PDE4D: variants seen among roughly 807,000 people sequenced by gnomAD.
PDE4D encodes the protein 3',5'-cyclic-AMP phosphodiesterase 4D.
PDE4D carries 24 observed loss-of-function variants against 87.4 expected under a neutral mutation model. That is an observed-to-expected ratio of 0.27 (90% CI 0.20 to 0.39). The LOEUF is 0.39. PDE4D is among the 10% of genes least tolerant of loss of function. The pLI is 1.00. For missense variants in PDE4D, 714 were observed against 1,041.0 expected (o/e 0.69, Z 4.32); for synonymous variants, 384 against 383.2 (o/e 1.00, Z -0.02).
In PDE4D at chr5:58,972,935, C is replaced by G. The variant is rs751797196; in HGVS notation, c.*1729G>C. The stretch of plus-strand genomic sequence containing the variant: ...ACTAACCCTCTGGTGCCAGTGGCAT[C>G]ATCTTCTTTCCCTCCATGTGTTTAA... On this transcript the variant is annotated 3_prime_UTR_variant, in exon 15 of 15. Coordinates refer to ENST00000340635, the MANE Select transcript of PDE4D (RefSeq NM_001104631.2). 6 of 152,154 alleles carry G rather than the reference C, an allele frequency of 3.9e-5. No individual in the cohort carries two copies. Among genetic ancestry groups the G allele is most frequent in the Admixed American group, 6.5e-5 (1 of 15,274 alleles). The allele number at this position is 152,154 out of a possible 1,614,324, so 9.4% of individuals were successfully genotyped here.
intron 1 of PDE4D, among the ~76,000 whole-genome samples, chr5:59,714,881 T>C (rs976249739): frequency 6.6e-6 from 1 of 152,238 alleles, no homozygotes; most frequent in African/African-American, 2.4e-5. Context: ...AAATAGGCTA[T>C]TCAGCAGGCA....
intron 2 of PDE4D, among the ~76,000 whole-genome samples, chr5:60,124,049 C>A (rs147929306): frequency 6.6e-6 from 1 of 152,078 alleles, no homozygotes; most frequent in Non-Finnish European, 1.5e-5. Flanking sequence ...AAAATTTGAA[C>A]GTAACACTTA....
chr5:60,298,369 G>A (rs1029016567), intron 1 of PDE4D, among the ~76,000 whole-genome samples: 5 of 152,004 alleles, frequency 3.3e-5, no homozygotes, highest in African/African-American at 7.3e-5. Flanking sequence ...TCCAAAATGG[G>A]TTATAAACAC....
chr5:59,506,901 C>T (rs1809363404), intron 1 of PDE4D, among the ~76,000 whole-genome samples: 1 of 152,074 alleles, frequency 6.6e-6, no homozygotes, highest in Admixed American at 6.6e-5. Context: ...AAATGCATGC[C>T]TCATAATCAA....
intron 1 of PDE4D, among the ~76,000 whole-genome samples, chr5:59,250,423 G>T (rs1759709720): frequency 6.6e-6 from 1 of 150,610 alleles, no homozygotes; most frequent in Non-Finnish European, 1.5e-5. Context: ...AGCATGGGAG[G>T]TCAAAGCTGC....
At chr5:59,693,090 G>C (rs1751229175) in intron 1 of PDE4D, among the ~76,000 whole-genome samples, 1 of 151,830 alleles carries the variant, frequency 6.6e-6, no homozygotes, top group Admixed American at 6.6e-5. Flanking sequence ...AAATTATAAA[G>C]TTGTTCATCA....
At position 59,885,991 on chromosome 5, in the gene PDE4D, A is replaced by C. The variant is rs76562633; in HGVS notation, c.455+7177T>G. ...CTTCCATCATCTATAAAATGGGTAAAATAATCACTAACTCTGTGTGTTTCA... is the reference window on the plus strand; with the variant it reads ...CTTCCATCATCTATAAAATGGGTAACATAATCACTAACTCTGTGTGTTTCA... On this transcript the variant is annotated intron_variant, in intron 1 of 14. Transcript: ENST00000340635. Among the ~76,000 whole-genome samples, 852 of 152,314 alleles carry C rather than the reference A, an allele frequency of 5.6e-3. 5 individuals carry two copies. Among genetic ancestry groups the C allele is most frequent in the African/African-American group, 0.02 (811 of 41,574 alleles).
chr5:59,610,731 A>G (rs1334700822), intron 1 of PDE4D, among the ~76,000 whole-genome samples: 5 of 152,196 alleles, frequency 3.3e-5, no homozygotes, highest in Middle Eastern at 3.2e-3. Context: ...ATACACCTCA[A>G]TGAAACAATA....
intron 1 of PDE4D, among the ~76,000 whole-genome samples, chr5:60,404,161 C>CTTTTTTTTTTTTTTTTTTTTTTT (rs35780128): frequency 8.4e-6 from 1 of 119,396 alleles, no homozygotes; most frequent in Non-Finnish European, 1.7e-5. Flanking sequence ...TCAGCCAATT[C>CTTTTTTTTTTTTTTTTTTTTTTT]TTTTTTTTTT....
chr5:59,054,926 C>T (rs963217847), intron 5 of PDE4D, among the ~76,000 whole-genome samples: 1 of 152,208 alleles, frequency 6.6e-6, no homozygotes, highest in Admixed American at 6.5e-5. Flanking sequence ...CCCTCTACTT[C>T]TCTACTTCAC....
At chr5:58,999,472 A>C in intron 6 of PDE4D, 1 of 1,412,182 alleles carries the variant, frequency 7.1e-7, no homozygotes, top group Non-Finnish European at 9.7e-7. Context: ...AGTTTTCAAA[A>C]GCTAAGTAAG....
chr5:59,171,592 C>A (rs1285686981), intron 5 of PDE4D, among the ~76,000 whole-genome samples: 1 of 151,710 alleles, frequency 6.6e-6, no homozygotes, highest in Non-Finnish European at 1.5e-5. Flanking sequence ...TCAATTTGTC[C>A]TTTACTGTTC....
chr5:59,703,091 G>A (rs766224533), intron 1 of PDE4D, among the ~76,000 whole-genome samples: 2 of 152,060 alleles, frequency 1.3e-5, no homozygotes, highest in African/African-American at 4.8e-5. Flanking sequence ...ACAACACACT[G>A]AGCAATAGCT....
intron 1 of PDE4D, among the ~76,000 whole-genome samples, chr5:59,349,606 T>A (rs1582097978): frequency 2.0e-5 from 3 of 152,160 alleles, no homozygotes. Flanking sequence ...TATAAACTAC[T>A]AATTAAGCAT....
intron 2 of PDE4D, among the ~76,000 whole-genome samples, chr5:59,991,813 G>A (rs992649317): frequency 1.3e-5 from 2 of 152,128 alleles, no homozygotes; most frequent in Non-Finnish European, 2.9e-5. Flanking sequence ...ATTGGAAACA[G>A]GTCATGATTA....
intron 1 of PDE4D, among the ~76,000 whole-genome samples, chr5:59,382,598 C>A (rs1786107304): frequency 1.3e-5 from 2 of 152,082 alleles, no homozygotes; most frequent in Admixed American, 6.6e-5. Flanking sequence ...CTCTAAAGGC[C>A]AATTCTCATA....
chr5:59,485,004 C>T (rs1439555674), intron 1 of PDE4D, among the ~76,000 whole-genome samples: 2 of 152,156 alleles, frequency 1.3e-5, no homozygotes, highest in Admixed American at 1.3e-4. Context: ...AGTTTTGGAT[C>T]ACTTTTTTAA....
chr5:59,338,053 T>C (rs1778035396), intron 1 of PDE4D, among the ~76,000 whole-genome samples: 2 of 152,256 alleles, frequency 1.3e-5, no homozygotes, highest in Admixed American at 6.5e-5. Context: ...ACTTGTTTCA[T>C]ACATGGTTTT....
intron 6 of PDE4D, among the ~76,000 whole-genome samples, chr5:59,023,984 C>A (rs1755732913): frequency 6.7e-6 from 1 of 150,152 alleles, no homozygotes; most frequent in South Asian, 2.1e-4. Context: ...TTCACTGCAA[C>A]CTCTACCTCC....
Sources: allele counts gnomAD v4.1 joint callset (sites outside exome capture counted in the v4.1 genomes callset), GRCh38; gene constraint gnomAD v4.1.1; transcripts MANE v1.5; gene names NCBI Gene and HGNC (gene_info 2026-07-23, HGNC 2026-07-21).